Variants in DENND1A observed in about 807,000 individuals in gnomAD.
DENND1A encodes the protein DENN domain containing 1A, also known as DENN domain-containing protein 1A.
A neutral mutation model predicts 113.7 loss-of-function variants in DENND1A; 51 were observed. The observed-to-expected ratio is 0.45, with a 90% confidence interval of 0.36 to 0.57. The LOEUF is 0.57. Among genes scored for constraint, DENND1A ranks in the 20% least tolerant of loss-of-function variants. DENND1A has a pLI of 0.00. For missense variants in DENND1A, 1,258 were observed against 1,395.9 expected, an observed-to-expected ratio of 0.90 and a Z score of 1.57; for synonymous variants, 565 against 570.8, an observed-to-expected ratio of 0.99 and a Z score of 0.14.
In DENND1A at chr9:123,487,362, C is replaced by T. The variant is rs77496958; in HGVS notation, c.994-29465G>A. 6.6e-3 allele frequency among the ~76,000 whole-genome samples: 1,004 copies of T among 152,310 alleles called. 15 individuals carry two copies. The highest frequency in any genetic ancestry group is 0.022 in the African/African-American group (922 of 41,564). On this transcript the variant is annotated intron_variant, in intron 13 of 23. Coordinates refer to ENST00000394215, the MANE Select transcript of DENND1A (RefSeq NM_001352964.2). ...CAAGTCAGCTGGCAGGTTTGTTTAC[C>T]TGCCCCCTCCACACCAATATTATTG...
intron 22 of DENND1A, among the ~76,000 whole-genome samples, chr9:123,384,130 C>T (rs1028743880): frequency 6.6e-6 from 1 of 152,194 alleles, no homozygotes; most frequent in Non-Finnish European, 1.5e-5. Context: ...CAGGGCAACT[C>T]GCTTTGGCTC....
At chr9:123,402,446 A>G in intron 21 of DENND1A, 1 of 526,006 alleles carries the variant, frequency 1.9e-6, no homozygotes, top group South Asian at 1.4e-5. Flanking sequence ...TCTTGCTCCA[A>G]CTCTGACTGG....
At chr9:123,570,270 C>G (rs2058285179) in intron 12 of DENND1A, among the ~76,000 whole-genome samples, 1 of 152,190 alleles carries the variant, frequency 6.6e-6, no homozygotes, top group Non-Finnish European at 1.5e-5. Context: ...CTGGAAGACT[C>G]TGAACTAGAA....
chr9:123,546,413 G>A (rs556630731), intron 13 of DENND1A, among the ~76,000 whole-genome samples: 8 of 152,112 alleles, frequency 5.3e-5, no homozygotes, highest in Admixed American at 1.3e-4. Context: ...GTAGCCGGGC[G>A]TGGTGGTAGG....
intron 2 of DENND1A, among the ~76,000 whole-genome samples, chr9:123,823,255 T>G (rs184299546): frequency 1.3e-5 from 2 of 152,298 alleles, no homozygotes; most frequent in Non-Finnish European, 2.9e-5. Context: ...TTGAGAAGAA[T>G]TAAAAGGCTT....
intron 2 of DENND1A, among the ~76,000 whole-genome samples, chr9:123,795,855 T>C (rs962350472): frequency 3.3e-5 from 5 of 152,188 alleles, no homozygotes; most frequent in Non-Finnish European, 7.3e-5. Flanking sequence ...AGTACTACCA[T>C]GGAAGAAAGT....
At chr9:123,632,033 T>C (rs1029822808) in intron 9 of DENND1A, among the ~76,000 whole-genome samples, 2 of 152,180 alleles carry the variant, frequency 1.3e-5, no homozygotes, top group East Asian at 3.8e-4. Context: ...AACTGGCCTT[T>C]GCTGACAGAA....
chr9:123,460,852 C>G (rs991792759), intron 13 of DENND1A, among the ~76,000 whole-genome samples: 1 of 152,208 alleles, frequency 6.6e-6, no homozygotes, highest in Non-Finnish European at 1.5e-5. Flanking sequence ...TACCTTTGTG[C>G]GATTATTTGA....
chr9:123,808,535 T>C (rs1330678952), intron 2 of DENND1A, among the ~76,000 whole-genome samples: 1 of 151,982 alleles, frequency 6.6e-6, no homozygotes, highest in Non-Finnish European at 1.5e-5. Context: ...CAAACGCCAC[T>C]ATGCCTGACT....
intron 2 of DENND1A, among the ~76,000 whole-genome samples, chr9:123,804,536 TC>T (rs1835222306): frequency 6.6e-6 from 1 of 152,138 alleles, no homozygotes; most frequent in South Asian, 2.1e-4. Flanking sequence ...CCTCTTTCAG[TC>T]CCATCACTTC....
intron 21 of DENND1A, among the ~76,000 whole-genome samples, chr9:123,398,842 T>A (rs1479384313): frequency 1.3e-5 from 2 of 151,106 alleles, no homozygotes; most frequent in Admixed American, 6.6e-5. Flanking sequence ...TTACTCAGGC[T>A]GGAGTGCAAT....
At chr9:123,907,793 T>C (rs1400965699) in intron 1 of DENND1A, among the ~76,000 whole-genome samples, 37 of 119,310 alleles carry the variant, frequency 3.1e-4, no homozygotes, top group South Asian at 1.2e-3. Flanking sequence ...ACAGATTCAA[T>C]GCCATCCCCA....
intron 4 of DENND1A, among the ~76,000 whole-genome samples, chr9:123,763,801 G>A: frequency 6.6e-6 from 1 of 152,084 alleles, no homozygotes; most frequent in South Asian, 2.1e-4. Flanking sequence ...AATGTCTACT[G>A]AATTAAGCAA....
chr9:123,768,864 A>C (rs1010781057), intron 4 of DENND1A, among the ~76,000 whole-genome samples: 8 of 151,480 alleles, frequency 5.3e-5, no homozygotes, highest in Admixed American at 2.6e-4. Context: ...AAAAAAAAAA[A>C]ACCTCAGACT....
At chr9:123,466,497 A>C (rs2048960902) in intron 13 of DENND1A, among the ~76,000 whole-genome samples, 2 of 151,812 alleles carry the variant, frequency 1.3e-5, no homozygotes, top group Admixed American at 6.6e-5. Flanking sequence ...ATAGGTTTTC[A>C]CCATGTTGGT....
intron 2 of DENND1A, among the ~76,000 whole-genome samples, chr9:123,818,519 T>C (rs558605): frequency 0.024 from 2,708 of 112,160 alleles, 78 homozygotes; most frequent in African/African-American, 0.037. Flanking sequence ...TACATACATA[T>C]ACACACACAC....
intron 4 of DENND1A, among the ~76,000 whole-genome samples, chr9:123,765,659 G>A (rs925350327): frequency 6.6e-5 from 10 of 152,198 alleles, no homozygotes; most frequent in Admixed American, 5.9e-4. Flanking sequence ...TCCAATGCAT[G>A]TCTCAAGTGC....
intron 19 of DENND1A, chr9:123,414,486 T>C (rs2044561793): frequency 1.6e-5 from 24 of 1,534,216 alleles, no homozygotes; most frequent in Non-Finnish European, 1.8e-5. Context: ...AGAAACACCA[T>C]CCTGGGAGAC....
chr9:123,865,040 T>C (rs1483431922), intron 2 of DENND1A, among the ~76,000 whole-genome samples: 3 of 152,160 alleles, frequency 2.0e-5, no homozygotes, highest in East Asian at 1.9e-4. Flanking sequence ...TTTTGATTAA[T>C]AAAAAGAAAA....
Sources: allele counts gnomAD v4.1 joint callset (sites outside exome capture counted in the v4.1 genomes callset), GRCh38; gene constraint gnomAD v4.1.1; transcripts MANE v1.5; gene names NCBI Gene and HGNC (gene_info 2026-07-23, HGNC 2026-07-21).